PDE1C: variants seen among roughly 807,000 people sequenced by gnomAD.
PDE1C encodes dual specificity calcium/calmodulin-dependent 3',5'-cyclic nucleotide phosphodiesterase 1C.
Under a neutral mutation model 93.1 loss-of-function variants are expected in PDE1C, and 62 were observed. That is an observed-to-expected ratio of 0.67 (90% CI 0.54 to 0.82). PDE1C has a LOEUF of 0.82. PDE1C is among the 40% of genes least tolerant of loss of function. PDE1C has a pLI of 0.00. For missense variants in PDE1C, 742 were observed against 884.6 expected, an observed-to-expected ratio of 0.84 and a Z score of 2.04; for synonymous variants, 325 against 310.1, an observed-to-expected ratio of 1.05 and a Z score of -0.50.
intron 16 of PDE1C, among the ~76,000 whole-genome samples, chr7:31,808,045 A>C (rs550136794): frequency 3.3e-5 from 5 of 152,130 alleles, no homozygotes; most frequent in African/African-American, 1.2e-4. Flanking sequence ...TCATGCATGC[A>C]AGCAAAGACA....
rs1428442785 is a variant in PDE1C, at chr7:32,209,243, AC to A, written c.136+245del. 3.3e-5 allele frequency among the ~76,000 whole-genome samples: 5 copies of A among 152,246 alleles called. No homozygotes were observed. In the East Asian group the frequency reaches 9.6e-4, roughly 29 times the overall value. On this transcript the variant is annotated intron_variant, in intron 2 of 18. Coordinates refer to the PDE1C transcript ENST00000396193. ...TGATGTCGATTCTGCTGCTCTGAGG[AC>A]CATACTTGGAATAGCAAAGGCTTAG...
At chr7:31,667,316 C>T in the PDE1C span, among the ~76,000 whole-genome samples, 1 of 152,190 alleles carries the variant, frequency 6.6e-6, no homozygotes, top group South Asian at 2.1e-4. Context: ...GGACTCCACC[C>T]TGTGGAATTC....
chr7:32,080,387 G>A (rs1313300170), intron 3 of PDE1C, among the ~76,000 whole-genome samples: 9 of 151,992 alleles, frequency 5.9e-5, no homozygotes, highest in Non-Finnish European at 1.3e-4. Context: ...TTTCATTTAT[G>A]GCACAAAGTT....
upstream of PDE1C, among the ~76,000 whole-genome samples, chr7:32,075,058 TC>T (rs1339923178): frequency 1.3e-5 from 2 of 152,056 alleles, no homozygotes; most frequent in African/African-American, 4.8e-5. Context: ...AGAGGTCAGC[TC>T]TCCAGGAAGC....
intron 2 of PDE1C, among the ~76,000 whole-genome samples, chr7:31,976,746 T>C (rs2129054671): frequency 6.6e-6 from 1 of 152,276 alleles, no homozygotes; most frequent in East Asian, 1.9e-4. Flanking sequence ...ATATATCGAA[T>C]TATATCATGT....
intron 1 of PDE1C, among the ~76,000 whole-genome samples, chr7:32,316,779 T>G (rs572614627): frequency 8.7e-4 from 133 of 152,152 alleles, no homozygotes; most frequent in Non-Finnish European, 1.5e-3. Context: ...GTATTAATGA[T>G]TTAATGCTGA....
chr7:31,789,490 A>C (rs1784348968), intron 16 of PDE1C: 1 of 238,894 alleles, frequency 4.2e-6, no homozygotes, highest in Non-Finnish European at 6.8e-6. Context: ...CAATGCTACC[A>C]GTGGAAACAA....
chr7:32,051,726 T>C, intron 1 of PDE1C, 146 bp from the exon 2 acceptor site: 1 of 687,762 alleles, frequency 1.5e-6, no homozygotes, highest in Non-Finnish European at 2.6e-6. Context: ...AAAGCTTAGT[T>C]AAAAGTTTGG....
At chr7:31,750,645 C>T (rs1348462248), downstream of PDE1C, among the ~76,000 whole-genome samples, 1 of 152,250 alleles carries the variant, frequency 6.6e-6, no homozygotes, top group East Asian at 1.9e-4. Context: ...TTTAGTAAAG[C>T]TCCCAGAGCA....
intron 3 of PDE1C, among the ~76,000 whole-genome samples, chr7:32,104,472 A>C (rs1171373237): frequency 6.6e-6 from 1 of 152,210 alleles, no homozygotes; most frequent in Admixed American, 6.5e-5. Context: ...CAAGTTTTCG[A>C]AAAAGAAAAG....
chr7:31,732,472 C>T, the PDE1C span, among the ~76,000 whole-genome samples: 1 of 152,138 alleles, frequency 6.6e-6, no homozygotes, highest in Non-Finnish European at 1.5e-5. Flanking sequence ...AGAGCGAAGA[C>T]TGAGGTTTCC....
chr7:31,891,805 TACACACACACAC>T (rs70989620), intron 2 of PDE1C, among the ~76,000 whole-genome samples: 13 of 146,138 alleles, frequency 8.9e-5, no homozygotes, highest in South Asian at 2.2e-4. Flanking sequence ...AATGCATTCA[TACACACACACAC>T]ACACACACAC....
At chr7:32,152,660 C>T (rs1356013059) in intron 3 of PDE1C, among the ~76,000 whole-genome samples, 2 of 152,110 alleles carry the variant, frequency 1.3e-5, no homozygotes, top group African/African-American at 2.4e-5. Flanking sequence ...GTTTAAATTA[C>T]CTAGATGGAT....
the PDE1C span, among the ~76,000 whole-genome samples, chr7:31,685,318 GA>G: frequency 6.6e-6 from 1 of 152,170 alleles, no homozygotes; most frequent in African/African-American, 2.4e-5. Context: ...GGCTTGTGGT[GA>G]CAGAAATGTT....
chr7:32,308,632 C>G (rs1198380020), intron 1 of PDE1C, among the ~76,000 whole-genome samples: 1 of 152,378 alleles, frequency 6.6e-6, no homozygotes, highest in Non-Finnish European at 1.5e-5. Context: ...GATACCCAGG[C>G]AAACAGGGTC....
chr7:32,327,255 T>C (rs558391402), intron 1 of PDE1C, among the ~76,000 whole-genome samples: 1 of 152,324 alleles, frequency 6.6e-6, no homozygotes, highest in South Asian at 2.1e-4. Context: ...AAATCTTTTA[T>C]TGAAGCATAA....
chr7:31,909,522 C>G (rs544449693), intron 2 of PDE1C, among the ~76,000 whole-genome samples: 4 of 151,980 alleles, frequency 2.6e-5, no homozygotes, highest in Non-Finnish European at 5.9e-5. Flanking sequence ...TTTAATTCCT[C>G]CAAACTCTAT....
chr7:31,800,870 T>C (rs1297541131), intron 16 of PDE1C, among the ~76,000 whole-genome samples: 1 of 151,182 alleles, frequency 6.6e-6, no homozygotes, highest in Non-Finnish European at 1.5e-5. Flanking sequence ...CCCAAATATT[T>C]GGAAATTAAA....
At chr7:31,986,749 G>A (rs1165639366) in intron 2 of PDE1C, among the ~76,000 whole-genome samples, 3 of 152,036 alleles carry the variant, frequency 2.0e-5, no homozygotes, top group Non-Finnish European at 4.4e-5. Flanking sequence ...GAAGGAGCAT[G>A]GTCCCACTAA....
Sources: allele counts gnomAD v4.1 joint callset (sites outside exome capture counted in the v4.1 genomes callset), GRCh38; gene constraint gnomAD v4.1.1; transcripts MANE v1.5; gene names NCBI Gene and HGNC (gene_info 2026-07-23, HGNC 2026-07-21).